The following WDFY3 variants were observed in gnomAD, a reference collection of about 807,000 sequenced individuals.
WDFY3 encodes the protein WD repeat and FYVE domain-containing protein 3.
A neutral mutation model predicts 409.6 loss-of-function variants in WDFY3; 66 were observed. The ratio of observed to expected loss-of-function variants is 0.16; its 90% CI spans 0.13 to 0.20. The LOEUF is 0.20. WDFY3 is among the 10% of genes least tolerant of loss of function. The pLI, the probability that WDFY3 is intolerant of heterozygous loss-of-function variation, is 1.00. For missense variants in WDFY3, 3,031 were observed against 4,298.1 expected, an observed-to-expected ratio of 0.71 and a Z score of 8.24; for synonymous variants, 1,521 against 1,537.1, an observed-to-expected ratio of 0.99 and a Z score of 0.25.
At chr4:84,757,838 A>G (rs1741718074) in intron 32 of WDFY3, among the ~76,000 whole-genome samples, 1 of 152,212 alleles carries the variant, frequency 6.6e-6, no homozygotes, top group South Asian at 2.1e-4. Context: ...GAATTTAGAG[A>G]CAAGACTAAA....
chr4:84,943,753 T>A (rs1772447317), intron 1 of WDFY3, among the ~76,000 whole-genome samples: 1 of 152,120 alleles, frequency 6.6e-6, no homozygotes, highest in Non-Finnish European at 1.5e-5. Flanking sequence ...GACAAAATCA[T>A]CATCAACTAG....
chr4:84,741,727 A>T (rs767342301), intron 38 of WDFY3, 34 bp downstream of exon 38: 2 of 1,544,388 alleles, frequency 1.3e-6, no homozygotes, highest in Non-Finnish European at 1.8e-6. Flanking sequence ...ACAGGAAAAC[A>T]TGTACTCTAC....
At chr4:84,793,829 T>C (rs1038234431) in intron 21 of WDFY3, among the ~76,000 whole-genome samples, 3 of 152,224 alleles carry the variant, frequency 2.0e-5, no homozygotes, top group Admixed American at 6.5e-5. Flanking sequence ...TTAATATTTA[T>C]TGAACACCAA....
chr4:84,924,143 A>C (rs1398806586), intron 2 of WDFY3, among the ~76,000 whole-genome samples: 1 of 152,232 alleles, frequency 6.6e-6, no homozygotes, highest in East Asian at 1.9e-4. Context: ...AGATTAAAGG[A>C]ATCTTTTTTC....
At position 84,810,201 on chromosome 4, in the gene WDFY3, G is replaced by A; in HGVS notation, c.2031C>T (p.Asn677=). 2 of 1,614,086 alleles carry A rather than the reference G, an allele frequency of 1.2e-6. No individual in the cohort carries two copies. Among genetic ancestry groups the A allele is most frequent in the South Asian group, 1.1e-5 (1 of 91,082 alleles). Residue 677 remains asparagine, a synonymous_variant, in exon 14 of 68, where the codon AAC becomes AAT. Transcript: ENST00000295888. ...CPPKNGWEKV[N]QNQVFELLHT... The stretch of plus-strand genomic sequence containing the variant: ...GAAGAAGTTCAAACACTTGATTCTG[G>A]TTCACTTTCTCCCAGCCATTCTTGG...
chr4:84,773,876 A>G (rs1745103205), intron 29 of WDFY3, among the ~76,000 whole-genome samples: 1 of 152,044 alleles, frequency 6.6e-6, no homozygotes, highest in South Asian at 2.1e-4. Context: ...GCCCACCACC[A>G]TGCCTGGCTA....
At chr4:84,699,409 GAAT>G (rs1345361963) in intron 56 of WDFY3, among the ~76,000 whole-genome samples, 3 of 152,142 alleles carry the variant, frequency 2.0e-5, no homozygotes, top group African/African-American at 7.2e-5. Context: ...TTTCATGGAT[GAAT>G]AATATTTCAC....
chr4:84,937,968 A>G (rs957797101), intron 1 of WDFY3, among the ~76,000 whole-genome samples: 1 of 152,140 alleles, frequency 6.6e-6, no homozygotes, highest in Non-Finnish European at 1.5e-5. Context: ...GATAAAATTT[A>G]ATTTATAAAT....
Position 84,740,369 on chromosome 4 carries a change from G to A in WDFY3, c.6282C>T (p.Cys2094=). The A allele has an allele frequency of 1.2e-6, 2 of 1,614,042 alleles. No individual in the cohort carries two copies. Among genetic ancestry groups the A allele is most frequent in the East Asian group, 2.2e-5 (1 of 44,862 alleles). Residue 2094 remains cysteine, a synonymous_variant, in exon 39 of 68, where the codon TGC becomes TGT. Coordinates refer to ENST00000295888, the MANE Select transcript of WDFY3 (RefSeq NM_014991.6). ...ACTGGTACAAGATGGTCCTATTGAG[G>A]CAATGATACACTGCATCCAGTGACA... The part of the protein sequence containing the change: ...QGLSLDAVYH[C]LNRTILYQFS...
intron 61 of WDFY3, among the ~76,000 whole-genome samples, chr4:84,689,501 T>C (rs947060038): frequency 6.6e-6 from 1 of 152,240 alleles, no homozygotes; most frequent in Non-Finnish European, 1.5e-5. Flanking sequence ...TCCCTCTTTA[T>C]ATGGCTTGCC....
chr4:84,760,548 A>G (rs1349070786), intron 32 of WDFY3, among the ~76,000 whole-genome samples: 4 of 152,102 alleles, frequency 2.6e-5, no homozygotes, highest in Admixed American at 1.3e-4. Context: ...TGTATGTGTC[A>G]AGGAATTTAT....
At chr4:84,903,088 A>G (rs1579058863) in intron 2 of WDFY3, among the ~76,000 whole-genome samples, 1 of 152,184 alleles carries the variant, frequency 6.6e-6, no homozygotes, top group African/African-American at 2.4e-5. Context: ...TATTTCTATT[A>G]AGGTTGAGTC....
intron 36 of WDFY3, among the ~76,000 whole-genome samples, chr4:84,745,030 C>T (rs899511017): frequency 2.0e-5 from 3 of 151,906 alleles, no homozygotes; most frequent in African/African-American, 7.3e-5. Flanking sequence ...TTACAATGTA[C>T]AAAGATGATT....
intron 6 of WDFY3, 88 bp downstream of exon 6, chr4:84,841,066 G>T (rs759700254): frequency 7.9e-5 from 80 of 1,018,246 alleles, no homozygotes; most frequent in Non-Finnish European, 1.1e-4. Flanking sequence ...ATCTCATTTG[G>T]ATATAATGAT....
In WDFY3 at chr4:84,713,335, T is replaced by C. The variant is rs13108722; in HGVS notation, c.7962-96A>G. On this transcript the variant is annotated intron_variant, in intron 50 of 67. Transcript: ENST00000295888. The stretch of plus-strand genomic sequence containing the variant: ...GGACGATTCGTTTAGATTTTCATAG[T>C]TGCGTCTACCCTCCCATAACCCACT... The C allele has an allele frequency of 0.3, 340,679 of 1,121,606 alleles. 54,340 individuals are homozygous for C. The highest frequency in any genetic ancestry group is 0.39 in the East Asian group (16,627 of 42,304). 69.5% of individuals were successfully genotyped at this position (1,121,606 alleles called of 1,614,324 possible).
rs555551596 is a variant in WDFY3 at position 84,672,925 on chromosome 4, G to A, written c.10524C>T (p.Asn3508=). 2.5e-6 allele frequency: 4 copies of A among 1,612,842 alleles called. No homozygotes were observed. In the South Asian group the frequency reaches 4.4e-5, roughly 18 times the overall value. The part of the protein sequence containing the change: ...KISSPVRVCQ[N]CYYNLQHERG... ...TCTCATGCTGTAAGTTATAATAACA[G>A]TTCTGACAAACACGCACCGGGGATG... The change falls in exon 68 of 68, where the codon AAC becomes AAT. Residue 3508 remains asparagine, a synonymous_variant. Transcript: ENST00000295888.
intron 3 of WDFY3, among the ~76,000 whole-genome samples, chr4:84,885,428 A>G (rs1460506546): frequency 6.6e-6 from 1 of 152,108 alleles, no homozygotes; most frequent in Non-Finnish European, 1.5e-5. Context: ...GTATATAAAA[A>G]TAAAATGATG....
chr4:84,962,930 TCCCAAAGTG>T (rs1427886914), intron 1 of WDFY3, among the ~76,000 whole-genome samples: 1 of 151,846 alleles, frequency 6.6e-6, no homozygotes, highest in Non-Finnish European at 1.5e-5. Flanking sequence ...TGCCTCGGCC[TCCCAAAGTG>T]CTGGGATTAC....
chr4:84,814,476 A>T (rs545332417), intron 13 of WDFY3, among the ~76,000 whole-genome samples: 15 of 152,304 alleles, frequency 9.8e-5, no homozygotes, highest in Admixed American at 1.3e-4. Context: ...AAAATACCAG[A>T]AACAACAATT....
Sources: allele counts gnomAD v4.1 joint callset (sites outside exome capture counted in the v4.1 genomes callset), GRCh38; gene constraint gnomAD v4.1.1; transcripts MANE v1.5; gene names NCBI Gene and HGNC (gene_info 2026-07-23, HGNC 2026-07-21).